The following ZNF518B variants were observed in gnomAD, a reference collection of about 807,000 sequenced individuals.
The protein encoded by ZNF518B is zinc finger protein 518B.
ZNF518B carries 23 observed loss-of-function variants against 56.3 expected under a neutral mutation model. The ratio of observed to expected loss-of-function variants is 0.41; its 90% confidence interval spans 0.29 to 0.58. ZNF518B has a LOEUF of 0.58. Among genes scored for constraint, ZNF518B ranks in the 20% least tolerant of loss-of-function variants. The pLI is 0.32. For synonymous variants in ZNF518B, 529 were observed against 465.9 expected (o/e 1.14, Z -1.74); for missense variants, 1,460 against 1,272.1 (o/e 1.15, Z -2.25).
rs1432955943 is a variant in ZNF518B at position 10,446,426 on chromosome 4, G to A, written c.-98C>T. ...CCTTCTATACAGTTTGTGATGGGTA[G>A]GGGCGCAGCTACTTCTTGGGTGCAT... On this transcript the variant is annotated 5_prime_UTR_variant, in exon 3 of 3. Coordinates refer to ENST00000326756, the MANE Select transcript of ZNF518B (RefSeq NM_053042.3). 2 of 1,157,258 alleles carry A rather than the reference G, an allele frequency of 1.7e-6. No individual in the cohort carries two copies. The highest frequency in any genetic ancestry group is 2.4e-5 in the East Asian group (1 of 42,416). 71.7% of individuals were successfully genotyped at this position (1,157,258 alleles called of 1,614,324 possible). A position where few individuals can be genotyped will look rare whatever the true frequency, so the allele number is the denominator to read the frequency against.
intron 2 of ZNF518B, among the ~76,000 whole-genome samples, chr4:10,450,511 G>A (rs1226900862): frequency 6.6e-6 from 1 of 152,130 alleles, no homozygotes; most frequent in Non-Finnish European, 1.5e-5. Flanking sequence ...AGATGGTTCT[G>A]ATGTTGGTAT....
rs1055808303 is a variant in ZNF518B, at chr4:10,446,424, T to C, written c.-96A>G. The C allele has an allele frequency of 1.3e-5, 15 of 1,189,674 alleles. No individual in the cohort carries two copies. The highest frequency in any genetic ancestry group is 2.0e-4 in the Middle Eastern group (1 of 4,928). The allele number at this position is 1,189,674 out of a possible 1,614,324, so 73.7% of individuals were successfully genotyped here. ...ATCCTTCTATACAGTTTGTGATGGG[T>C]AGGGGCGCAGCTACTTCTTGGGTGC... On this transcript the variant is annotated 5_prime_UTR_variant, in exon 3 of 3. Coordinates refer to ENST00000326756, the MANE Select transcript of ZNF518B (RefSeq NM_053042.3).
At position 10,444,798 on chromosome 4, in the gene ZNF518B, C is replaced by G. The variant is rs867823755; in HGVS notation, c.1531G>C (p.Val511Leu). The part of the protein sequence containing the change: ...ASNPFPYKAA[V>L]CFAESGRNLH... Reference sequence around the variant, plus strand: ...TTTCTTCCACTTTCAGCAAAACAAACAGCAGCTTTATATGGAAAAGGGTTT... The same window carrying G: ...TTTCTTCCACTTTCAGCAAAACAAAGAGCAGCTTTATATGGAAAAGGGTTT... Residue 511 changes from valine (V) to leucine (L), a missense_variant, in exon 3 of 3, where the codon GTT becomes CTT. Transcript: ENST00000326756. 1.2e-6 allele frequency: 2 copies of G among 1,613,802 alleles called. No individual in the cohort carries two copies. Among genetic ancestry groups the G allele is most frequent in the Non-Finnish European group, 1.7e-6 (2 of 1,179,850 alleles).
At chr4:10,452,778 A>C (rs184246298) in intron 2 of ZNF518B, 6 of 152,220 alleles carry the variant, frequency 3.9e-5, no homozygotes, top group Non-Finnish European at 8.8e-5. Context: ...TAAGTGTCAT[A>C]ATCTTTTTGC....
rs546716534 is a variant in ZNF518B, at chr4:10,443,959, TATG to T, written c.2367_2369del (p.Ile790del). The T allele has an allele frequency of 2.2e-4, 358 of 1,614,234 alleles. No individual in the cohort carries two copies. Among genetic ancestry groups the T allele is most frequent in the Admixed American group, 4.3e-4 (26 of 60,026 alleles). ...TGACAGGTGCTTCACATGTAGCCTC[TATG>T]ATGTGGGCATTCTCAGAGGAATTAA... On this transcript the variant is annotated inframe_deletion, in exon 3 of 3. Transcript: ENST00000326756.
At chr4:10,451,215 C>G (rs970437595) in intron 2 of ZNF518B, 6 of 152,108 alleles carry the variant, frequency 3.9e-5, no homozygotes, top group Non-Finnish European at 7.4e-5. Flanking sequence ...TTGGGAGAAT[C>G]CACATCAGTG....
At position 10,444,505 on chromosome 4, in the gene ZNF518B, A is replaced by G. The variant is rs376077516; in HGVS notation, c.1824T>C (p.Ser608=). ...CCAAAGGCTTATCCCCAGGCTGTTG[A>G]GATCTATCTTCTCCAGTTATGTTTA... is the stretch of plus-strand genomic sequence containing the variant. ...LHINITGEDR[S]QQPGDKPLEL... Residue 608 remains serine, a synonymous_variant, in exon 3 of 3, where the codon TCT becomes TCC. Coordinates refer to ENST00000326756, the MANE Select transcript of ZNF518B (RefSeq NM_053042.3). 19 of 1,614,000 alleles carry G rather than the reference A, an allele frequency of 1.2e-5. No individual in the cohort carries two copies. Among genetic ancestry groups the G allele is most frequent in the Non-Finnish European group, 1.6e-5 (19 of 1,180,040 alleles).
At chr4:10,449,556 T>G (rs1428281675) in intron 2 of ZNF518B, among the ~76,000 whole-genome samples, 1 of 152,242 alleles carries the variant, frequency 6.6e-6, no homozygotes, top group East Asian at 1.9e-4. Context: ...TTCCTTGTTC[T>G]GCCTTGACTC....
chr4:10,451,895 TAGCAAATGA>T (rs1715328575), intron 2 of ZNF518B: 1 of 152,226 alleles, frequency 6.6e-6, no homozygotes, highest in South Asian at 2.1e-4. Context: ...AATATCCCTG[TAGCAAATGA>T]ATGTGTTTCT....
At chr4:10,456,830 C>T (rs1026434738) in intron 1 of ZNF518B, among the ~76,000 whole-genome samples, 3 of 152,108 alleles carry the variant, frequency 2.0e-5, no homozygotes, top group Non-Finnish European at 4.4e-5. Flanking sequence ...ACTTCCTGCT[C>T]GGCGCGGACG....
rs747377391 is a variant in ZNF518B, at chr4:10,443,822, G to A, written c.2507C>T (p.Ser836Phe). The change falls in exon 3 of 3, where the codon TCC (serine) becomes TTC (phenylalanine). Residue 836 changes from serine (S) to phenylalanine (F), a missense_variant. Coordinates refer to ENST00000326756, the MANE Select transcript of ZNF518B (RefSeq NM_053042.3). ...CCGCAGAGGTGTCTCGATATTTGGGGACATATCTATTGGCCCCCTTTCACT... is the reference window on the plus strand; with the variant it reads ...CCGCAGAGGTGTCTCGATATTTGGGAACATATCTATTGGCCCCCTTTCACT... ...LRSERGPIDM[S>F]PNIETPLRPK... The A allele has an allele frequency of 6.2e-7, 1 of 1,614,150 alleles. No individual in the cohort carries two copies. Among genetic ancestry groups the A allele is most frequent in the Non-Finnish European group, 8.5e-7 (1 of 1,180,030 alleles).
upstream of ZNF518B, among the ~76,000 whole-genome samples, chr4:10,460,324 CCA>C (rs1426887276): frequency 0.014 from 237 of 17,410 alleles, 6 homozygotes; most frequent in African/African-American, 0.053. Context: ...AAAAAAAAAA[CCA>C]AAAAAAAAAA....
chr4:10,442,903 A>G lies in ZNF518B; in HGVS notation c.*201T>C, dbSNP rs1353963137. ...TGCATATGTACCAATTTGCATGTAC[A>G]ATTTCAGAGCCTTCAAATACATTCT... On this transcript the variant is annotated 3_prime_UTR_variant, in exon 3 of 3. Transcript: ENST00000326756. The G allele has an allele frequency of 2.2e-5, 12 of 541,958 alleles. No homozygotes were observed. The South Asian group carries it at 2.5e-4, about 11-fold the overall frequency. The allele number at this position is 541,958 out of a possible 1,614,324, so 33.6% of individuals were successfully genotyped here.
Position 10,444,304 on chromosome 4 carries a change from G to T in ZNF518B, c.2025C>A (p.Ser675=). Residue 675 remains serine (S), a synonymous_variant, in exon 3 of 3, where the codon TCC becomes TCA. Transcript: ENST00000326756. ...AAGCCAAAGATGACGGCTTCCCACA[G>T]GACTCAATTAACTGAGCTATCTTTC... ...LRRKIAQLIE[S]CGKPSSLASN... 1 of 1,614,144 alleles carries T rather than the reference G, an allele frequency of 6.2e-7. No homozygotes were observed. Among genetic ancestry groups the T allele is most frequent in the Non-Finnish European group, 8.5e-7 (1 of 1,180,018 alleles).
Position 10,443,041 on chromosome 4 carries a change from G to T in ZNF518B, c.*63C>A. 1.4e-6 allele frequency: 2 copies of T among 1,398,226 alleles called. No homozygotes were observed. The highest frequency in any genetic ancestry group is 1.9e-4 in the Middle Eastern group (1 of 5,384). 86.6% of individuals were successfully genotyped at this position (1,398,226 alleles called of 1,614,324 possible). On this transcript the variant is annotated 3_prime_UTR_variant, in exon 3 of 3. Transcript: ENST00000326756. ...GTCTGTATTTCTTCTACTGAATCTTGGTGGAGGGACTCCAAACCAGAATAA... is the reference window on the plus strand; with the variant it reads ...GTCTGTATTTCTTCTACTGAATCTTTGTGGAGGGACTCCAAACCAGAATAA...
At chr4:10,446,580 G>C (rs1715065632) in intron 2 of ZNF518B, 41 bp from the exon 3 acceptor site, 2 of 415,774 alleles carry the variant, frequency 4.8e-6, no homozygotes, top group Non-Finnish European at 8.9e-6. Flanking sequence ...TAATATAAGA[G>C]TTTGGCTAAG....
rs111599809 is a variant in ZNF518B at position 10,440,092 on chromosome 4, T to C, written c.*3012A>G. On this transcript the variant is annotated 3_prime_UTR_variant, in exon 3 of 3. Coordinates refer to ENST00000326756, the MANE Select transcript of ZNF518B (RefSeq NM_053042.3). ...AAATTATTCCAAAGGCCGAGCAACA[T>C]CACATCTTCAACTTCTGAGATGGAT... 5.0e-3 allele frequency: 769 copies of C among 152,652 alleles called. 2 individuals carry two copies. The highest frequency in any genetic ancestry group is 8.0e-3 in the Non-Finnish European group (544 of 68,030). 9.5% of individuals were successfully genotyped at this position (152,652 alleles called of 1,614,324 possible). A position where few individuals can be genotyped will look rare whatever the true frequency, so the allele number is the denominator to read the frequency against.
chr4:10,460,359 A>T (rs564721384), upstream of ZNF518B, among the ~76,000 whole-genome samples: 427 of 147,876 alleles, frequency 2.9e-3, 5 homozygotes, highest in African/African-American at 9.9e-3. Context: ...ATGAATGCCC[A>T]TTCAGTGCAG....
chr4:10,460,314 AAAAAAAAAACC>A (rs1417161868), upstream of ZNF518B, among the ~76,000 whole-genome samples: 6,782 of 104,006 alleles, frequency 0.065, 1,229 homozygotes, highest in African/African-American at 0.29. Context: ...CAAAAAAAAA[AAAAAAAAAACC>A]AAAAAAAAAA....
Sources: gnomAD v4.1 joint callset for allele counts (sites outside exome capture counted in the v4.1 genomes callset) on GRCh38, gnomAD v4.1.1 for gene constraint, MANE v1.5 for transcripts, NCBI Gene and HGNC (gene_info 2026-07-23, HGNC 2026-07-21) for gene names.